The following KLRG1 variants were observed in gnomAD, a reference collection of about 807,000 sequenced individuals.
The protein encoded by KLRG1 is killer cell lectin like receptor G1, also known as killer cell lectin-like receptor subfamily G member 1.
In KLRG1, 16 loss-of-function variants were observed where a neutral mutation model predicts 21.8. The ratio of observed to expected loss-of-function variants is 0.73; its 90% confidence interval spans 0.50 to 1.11. The LOEUF (loss-of-function observed/expected upper bound fraction) is 1.11. Among genes scored for constraint, KLRG1 ranks in the 50% most tolerant of loss-of-function variants. The pLI is 0.00. For missense variants in KLRG1, 173 were observed against 218.3 expected, an observed-to-expected ratio of 0.79 and a Z score of 1.31; for synonymous variants, 69 against 75.9, an observed-to-expected ratio of 0.91 and a Z score of 0.47.
the KLRG1 span, among the ~76,000 whole-genome samples, chr12:9,132,355 G>A: frequency 1.3e-5 from 2 of 152,218 alleles, no homozygotes; most frequent in African/African-American, 4.8e-5. Flanking sequence ...AACGACATGG[G>A]TTGTGAAACA....
chr12:9,107,431 T>C, the KLRG1 span: 2 of 1,458,726 alleles, frequency 1.4e-6, no homozygotes, highest in Non-Finnish European at 1.9e-6. Flanking sequence ...TCTTCTAGAT[T>C]GTTCTCTTCC....
At chr12:9,076,674 G>T in the KLRG1 span, 29 of 1,302,592 alleles carry the variant, frequency 2.2e-5, no homozygotes, top group Non-Finnish European at 3.2e-5. Flanking sequence ...AGGGATCACA[G>T]GAGGTAGGAG....
At chr12:9,205,878 A>T in the KLRG1 span, among the ~76,000 whole-genome samples, 468 of 152,266 alleles carry the variant, frequency 3.1e-3, 3 homozygotes, top group African/African-American at 0.011. Flanking sequence ...TGGAACTCAA[A>T]TTTGGTCCCC....
chr12:9,165,372 G>A, the KLRG1 span: 13 of 1,613,640 alleles, frequency 8.1e-6, no homozygotes, highest in East Asian at 4.5e-5. Context: ...GATGAGCTGG[G>A]GAGGAGGGCA....
the KLRG1 span, among the ~76,000 whole-genome samples, chr12:9,110,552 C>A: frequency 6.6e-6 from 1 of 151,562 alleles, no homozygotes; most frequent in Non-Finnish European, 1.5e-5. Context: ...TTGATACAGG[C>A]ATGCAATGCA....
At chr12:9,053,664 TAGG>T in the KLRG1 span, among the ~76,000 whole-genome samples, 1 of 152,212 alleles carries the variant, frequency 6.6e-6, no homozygotes, top group Non-Finnish European at 1.5e-5. Context: ...CATTAAGCAC[TAGG>T]TCAGCCTGTG....
At chr12:8,952,948 T>A (rs1479737861) in intron 1 of KLRG1, among the ~76,000 whole-genome samples, 1 of 152,154 alleles carries the variant, frequency 6.6e-6, no homozygotes, top group African/African-American at 2.4e-5. Flanking sequence ...TGGCCACTTG[T>A]TTTGTAGAAT....
chr12:9,110,786 T>C, the KLRG1 span, among the ~76,000 whole-genome samples: 6 of 152,272 alleles, frequency 3.9e-5, 1 homozygote, highest in East Asian at 7.7e-4. Flanking sequence ...TACAGAAATA[T>C]TCCAGATTAA....
chr12:9,050,533 T>G, the KLRG1 span, among the ~76,000 whole-genome samples: 2 of 152,116 alleles, frequency 1.3e-5, no homozygotes, highest in Admixed American at 1.3e-4. Flanking sequence ...CCAGGCTTCC[T>G]GCTCTATGAA....
intron 3 of KLRG1, among the ~76,000 whole-genome samples, chr12:8,998,277 T>C (rs1357225543): frequency 6.6e-6 from 1 of 151,892 alleles, no homozygotes; most frequent in Non-Finnish European, 1.5e-5. Context: ...TGCAGTGAGC[T>C]GAGACTGCAC....
chr12:9,092,587 C>T, the KLRG1 span, among the ~76,000 whole-genome samples: 1 of 152,198 alleles, frequency 6.6e-6, no homozygotes, highest in Admixed American at 6.5e-5. Flanking sequence ...TCTCCACCTG[C>T]CCCACTGGCT....
rs1376743029 is a variant in KLRG1 at position 9,008,974 on chromosome 12, G to A, written c.358-1G>A. On this transcript the variant is annotated splice_acceptor_variant, in intron 3 of 4. Transcript: ENST00000356986. LOFTEE classifies it high-confidence loss of function. ...TTTTTGGTTTTCAACCTCTCCCTTA[G>A]AGCCTGCTCCAAGTTTTCCTCAGTG... 16 of 1,612,486 alleles carry A rather than the reference G, an allele frequency of 9.9e-6. No homozygotes were observed. The highest frequency in any genetic ancestry group is 1.2e-5 in the Non-Finnish European group (14 of 1,179,090).
At chr12:8,975,062 A>AT (rs1046652345) in intron 1 of KLRG1, among the ~76,000 whole-genome samples, 16 of 150,820 alleles carry the variant, frequency 1.1e-4, no homozygotes, top group Non-Finnish European at 1.9e-4. Context: ...TGCCTGGCTA[A>AT]TTTTTTTTTG....
chr12:9,150,582 C>T, the KLRG1 span: 1 of 1,103,602 alleles, frequency 9.1e-7, no homozygotes, highest in Non-Finnish European at 1.4e-6. Flanking sequence ...AGAGGATCAA[C>T]TGTCACAACA....
the KLRG1 span, chr12:9,160,992 A>ATTTGT: frequency 6.3e-6 from 9 of 1,435,320 alleles, no homozygotes; most frequent in Admixed American, 1.5e-4. Flanking sequence ...GTACAGTGGC[A>ATTTGT]ACTCTTTTGG....
the KLRG1 span, chr12:9,057,992 A>G: frequency 1.3e-5 from 2 of 152,338 alleles, no homozygotes; most frequent in Non-Finnish European, 2.9e-5. Context: ...ATATTCCTCC[A>G]TAATATCCAA....
At chr12:9,173,322 C>G in the KLRG1 span, among the ~76,000 whole-genome samples, 1 of 152,158 alleles carries the variant, frequency 6.6e-6, no homozygotes, top group African/African-American at 2.4e-5. Context: ...GCAGCTAAAA[C>G]AGTGTTAAGT....
the KLRG1 span, chr12:9,201,441 T>C: frequency 2.1e-6 from 2 of 942,624 alleles, no homozygotes; most frequent in East Asian, 2.4e-5. Flanking sequence ...AGGAAGAATA[T>C]TATCTGTAGC....
chr12:9,094,522 T>C, the KLRG1 span, among the ~76,000 whole-genome samples: 1 of 151,888 alleles, frequency 6.6e-6, no homozygotes, highest in Non-Finnish European at 1.5e-5. Flanking sequence ...TTTTTGACCC[T>C]CTTTTCTCTG....
Sources: gnomAD v4.1 joint callset for allele counts (sites outside exome capture counted in the v4.1 genomes callset) on GRCh38, gnomAD v4.1.1 for gene constraint, MANE v1.5 for transcripts, NCBI Gene and HGNC (gene_info 2026-07-23, HGNC 2026-07-21) for gene names.